ITPR1: variants seen among roughly 807,000 people sequenced by gnomAD.
ITPR1 encodes inositol 1,4,5-trisphosphate receptor type 1, also known as inositol 1,4,5-trisphosphate-gated calcium channel ITPR1.
A neutral mutation model predicts 318.4 loss-of-function variants in ITPR1; 96 were observed. That is an observed-to-expected ratio of 0.30 (90% CI 0.26 to 0.36). ITPR1 has a LOEUF of 0.36. Among genes scored for constraint, ITPR1 ranks in the 10% least tolerant of loss-of-function variants. ITPR1 has a pLI of 1.00. For synonymous variants in ITPR1, 1,312 were observed against 1,289.9 expected (o/e 1.02, Z -0.37); for missense variants, 2,440 against 3,460.2 (o/e 0.71, Z 7.40).
At chr3:4,690,329 C>T (rs2125244216) in intron 31 of ITPR1, among the ~76,000 whole-genome samples, 1 of 152,232 alleles carries the variant, frequency 6.6e-6, no homozygotes, top group South Asian at 2.1e-4. Context: ...AACAGACACC[C>T]TGTTGGAGAG....
At chr3:4,744,479 G>T (rs1376677118) in intron 44 of ITPR1, among the ~76,000 whole-genome samples, 1 of 152,198 alleles carries the variant, frequency 6.6e-6, no homozygotes, top group Non-Finnish European at 1.5e-5. Context: ...AATCCAGACA[G>T]CTGCCTGTGT....
At chr3:4,685,336 A>G (rs1225509102) in intron 30 of ITPR1, 130 bp downstream of exon 30, 3 of 879,524 alleles carry the variant, frequency 3.4e-6, no homozygotes, top group East Asian at 5.5e-5. Context: ...CTACAAAGCA[A>G]TTTCAGGTAT....
intron 4 of ITPR1, among the ~76,000 whole-genome samples, chr3:4,537,577 G>A (rs1440429077): frequency 6.6e-6 from 1 of 152,196 alleles, no homozygotes; most frequent in African/African-American, 2.4e-5. Context: ...AGAGTATCCT[G>A]GATTTCCAGG....
chr3:4,577,181 C>A (rs2088770567), intron 4 of ITPR1, among the ~76,000 whole-genome samples: 1 of 152,178 alleles, frequency 6.6e-6, no homozygotes, highest in African/African-American at 2.4e-5. Context: ...GCCCTGGGCA[C>A]ATGATGACAC....
intron 44 of ITPR1, among the ~76,000 whole-genome samples, 161 bp from the exon 45 acceptor site, chr3:4,766,369 G>C (rs1250150601): frequency 6.6e-6 from 1 of 152,198 alleles, no homozygotes; most frequent in East Asian, 1.9e-4. Flanking sequence ...TTAGAACCCA[G>C]AGAACTACAG....
chr3:4,493,950 A>ATAATCTTT (rs1220459477), intron 1 of ITPR1, among the ~76,000 whole-genome samples: 53 of 151,360 alleles, frequency 3.5e-4, no homozygotes, highest in African/African-American at 1.1e-3. Flanking sequence ...GCTCAAGGAA[A>ATAATCTTT]TAATCTTTCT....
At chr3:4,842,456 C>G (rs1463064517) in intron 61 of ITPR1, among the ~76,000 whole-genome samples, 1 of 152,178 alleles carries the variant, frequency 6.6e-6, no homozygotes, top group Non-Finnish European at 1.5e-5. Flanking sequence ...CAGCCTCCAC[C>G]TCCCAGGTTT....
At chr3:4,815,601 T>A (rs542443687) in intron 59 of ITPR1, among the ~76,000 whole-genome samples, 3 of 152,226 alleles carry the variant, frequency 2.0e-5, no homozygotes, top group African/African-American at 7.2e-5. Context: ...CCTGGCACAC[T>A]ATAGGCACGG....
intron 52 of ITPR1, 88 bp downstream of exon 52, chr3:4,788,227 C>G: frequency 9.7e-7 from 1 of 1,035,132 alleles, no homozygotes; most frequent in Non-Finnish European, 1.4e-6. Flanking sequence ...CATTTCCAAG[C>G]AGGAGCAAAG....
chr3:4,689,307 G>A (rs2094444900), intron 31 of ITPR1, among the ~76,000 whole-genome samples: 1 of 121,902 alleles, frequency 8.2e-6, no homozygotes, highest in African/African-American at 2.6e-5. Flanking sequence ...ACATCTTTGT[G>A]CATGCACACA....
intron 61 of ITPR1, among the ~76,000 whole-genome samples, chr3:4,838,112 A>C (rs1398422587): frequency 6.6e-6 from 1 of 152,122 alleles, no homozygotes. Context: ...ATTTCTTTTC[A>C]AACTAAATTA....
chr3:4,808,572 G>A (rs930543860), intron 55 of ITPR1, among the ~76,000 whole-genome samples: 1 of 152,176 alleles, frequency 6.6e-6, no homozygotes, highest in South Asian at 2.1e-4. Flanking sequence ...GCTTTGCGGG[G>A]GGATTTTCTA....
intron 40 of ITPR1, among the ~76,000 whole-genome samples, chr3:4,719,997 T>C (rs1214166847): frequency 6.6e-6 from 1 of 152,176 alleles, no homozygotes; most frequent in African/African-American, 2.4e-5. Context: ...TTGTTACACA[T>C]GTGTACACCT....
Position 4,768,693 on chromosome 3 carries a change from G to T in ITPR1, c.5908G>T (p.Val1970Phe), listed in dbSNP as rs1349526241. Residue 1970 changes from valine to phenylalanine, a missense_variant, in exon 46 of 62, where the codon GTC becomes TTC. Physicochemically the swap from Val to Phe is conservative, Grantham distance 50. This residue lies in a region of ITPR1 where 113 missense variants were observed against 103.6 expected (regional missense o/e 1.09). Transcript: ENST00000649015. ...KAKDDLEMSA[V>F]ITIMQPILRF... is the part of the protein sequence containing the mutation. Reference sequence around the variant, plus strand: ...CAAGGACGACCTGGAGATGAGCGCGGTCATCACCATCATGCAGCCCATCCT... The same window carrying T: ...CAAGGACGACCTGGAGATGAGCGCGTTCATCACCATCATGCAGCCCATCCT... 1 of 1,613,494 alleles carries T rather than the reference G, an allele frequency of 6.2e-7. No homozygotes were observed. Among genetic ancestry groups the T allele is most frequent in the Non-Finnish European group, 8.5e-7 (1 of 1,179,642 alleles).
intron 4 of ITPR1, among the ~76,000 whole-genome samples, chr3:4,523,170 C>T (rs1031802527): frequency 6.6e-6 from 1 of 152,188 alleles, no homozygotes; most frequent in Admixed American, 6.5e-5. Flanking sequence ...GAAGGCATTG[C>T]TTGGGTCCAG....
At chr3:4,791,749 A>G (rs913092050) in intron 52 of ITPR1, among the ~76,000 whole-genome samples, 2 of 152,220 alleles carry the variant, frequency 1.3e-5, no homozygotes, top group Non-Finnish European at 2.9e-5. Context: ...TAGAGCTGTA[A>G]TCAAGCATTG....
intron 52 of ITPR1, among the ~76,000 whole-genome samples, chr3:4,789,530 T>C (rs541616917): frequency 6.6e-6 from 1 of 152,370 alleles, no homozygotes; most frequent in African/African-American, 2.4e-5. Flanking sequence ...GGAGAAAACT[T>C]ATCTGTTGCT....
chr3:4,563,675 C>G (rs1014333802), intron 4 of ITPR1, among the ~76,000 whole-genome samples: 2 of 152,098 alleles, frequency 1.3e-5, no homozygotes, highest in African/African-American at 4.8e-5. Flanking sequence ...GTTCAGTGCT[C>G]CCTTTACTCT....
intron 10 of ITPR1, chr3:4,646,057 A>T (rs760649589): frequency 3.4e-5 from 9 of 262,008 alleles, no homozygotes; most frequent in Non-Finnish European, 6.0e-5. Context: ...AATTAGAAAT[A>T]GCTTTCTCTG....
Sources: allele counts gnomAD v4.1 joint callset (sites outside exome capture counted in the v4.1 genomes callset), GRCh38; gene constraint gnomAD v4.1.1; regional missense constraint gnomAD v4.1.1; transcripts MANE v1.5; gene names NCBI Gene and HGNC (gene_info 2026-07-23, HGNC 2026-07-21).